The following RCAN2 variants were observed in gnomAD, a reference collection of about 807,000 sequenced individuals.
RCAN2 encodes the protein regulator of calcineurin 2.
In RCAN2, 9 loss-of-function variants were observed where a neutral mutation model predicts 23.6. The ratio of observed to expected loss-of-function variants is 0.38; its 90% confidence interval spans 0.23 to 0.67. The LOEUF (loss-of-function observed/expected upper bound fraction) is 0.67. RCAN2 is among the 30% of genes least tolerant of loss of function. The pLI is 0.51. For missense variants in RCAN2, 273 were observed against 302.3 expected (o/e 0.90, Z 0.72); for synonymous variants, 109 against 115.7 (o/e 0.94, Z 0.37).
At chr6:46,249,019 C>T (rs767460997) in intron 2 of RCAN2, 123 bp from the exon 3 acceptor site, 10 of 615,452 alleles carry the variant, frequency 1.6e-5, no homozygotes, top group Non-Finnish European at 2.6e-5. Flanking sequence ...TTAAATAGAA[C>T]ACCAGTAATG....
chr6:46,428,363 A>T (rs1169913468), intron 2 of RCAN2, among the ~76,000 whole-genome samples: 2 of 152,224 alleles, frequency 1.3e-5, no homozygotes, highest in East Asian at 3.8e-4. Context: ...ATTCCCACTG[A>T]AAATCACATT....
At chr6:46,389,308 C>T (rs1765859971) in intron 2 of RCAN2, among the ~76,000 whole-genome samples, 2 of 152,196 alleles carry the variant, frequency 1.3e-5, no homozygotes, top group African/African-American at 4.8e-5. Flanking sequence ...CTCACTCAGC[C>T]TGCTGTTTCA....
chr6:46,289,335 G>C (rs1018042946), intron 2 of RCAN2, among the ~76,000 whole-genome samples: 4 of 152,202 alleles, frequency 2.6e-5, no homozygotes, highest in Non-Finnish European at 4.4e-5. Context: ...AAAGAGTTGG[G>C]TTGTGAGAAT....
chr6:46,375,531 G>A (rs1765433419), intron 2 of RCAN2, among the ~76,000 whole-genome samples: 1 of 152,176 alleles, frequency 6.6e-6, no homozygotes, highest in South Asian at 2.1e-4. Flanking sequence ...CTTCTTGAAT[G>A]TGGCCCTAGT....
intron 1 of RCAN2, among the ~76,000 whole-genome samples, chr6:46,487,765 T>A (rs1257569574): frequency 1.3e-5 from 2 of 152,208 alleles, no homozygotes; most frequent in Non-Finnish European, 2.9e-5. Context: ...ATTAGCTCTG[T>A]AAAATGGATC....
At chr6:46,230,094 A>T (rs1405309547) in intron 4 of RCAN2, among the ~76,000 whole-genome samples, 4 of 152,188 alleles carry the variant, frequency 2.6e-5, no homozygotes, top group Non-Finnish European at 2.9e-5. Flanking sequence ...AGAACAACAA[A>T]TATTGCAGAG....
At chr6:46,234,361 T>G (rs965072912) in intron 4 of RCAN2, among the ~76,000 whole-genome samples, 6 of 152,244 alleles carry the variant, frequency 3.9e-5, no homozygotes, top group Admixed American at 6.5e-5. Context: ...TTTCTTTTTT[T>G]GGCCTCTTTT....
intron 1 of RCAN2, among the ~76,000 whole-genome samples, chr6:46,485,921 G>A (rs1475175908): frequency 6.6e-6 from 1 of 152,134 alleles, no homozygotes; most frequent in Non-Finnish European, 1.5e-5. Context: ...AACAGGGCAA[G>A]GAAATACAAC....
chr6:46,480,588 C>T (rs1374505868), intron 1 of RCAN2, among the ~76,000 whole-genome samples: 1 of 152,012 alleles, frequency 6.6e-6, no homozygotes, highest in Admixed American at 6.5e-5. Context: ...CCTATTCACC[C>T]ACGCAAAATG....
intron 2 of RCAN2, among the ~76,000 whole-genome samples, chr6:46,375,989 A>T (rs549532416): frequency 6.6e-6 from 1 of 152,288 alleles, no homozygotes; most frequent in Admixed American, 6.5e-5. Flanking sequence ...TTTCTTTTCA[A>T]CGCATCTCTG....
chr6:46,424,311 GC>G (rs1381373151), intron 2 of RCAN2, among the ~76,000 whole-genome samples: 1 of 152,162 alleles, frequency 6.6e-6, no homozygotes, highest in African/African-American at 2.4e-5. Context: ...GAAAGCTTAA[GC>G]AACTAACCAG....
In RCAN2 at chr6:46,239,456, C is replaced by T. The variant is rs144775131; in HGVS notation, c.571+7292G>A. On this transcript the variant is annotated intron_variant, in intron 4 of 4. Coordinates refer to ENST00000371374, the MANE Select transcript of RCAN2 (RefSeq NM_001251974.2). ...CAATCCAGGTCTGCTGAGCGACCAG[C>T]GTAACCGCCTTACTACTTCCTAGAT... Among the ~76,000 whole-genome samples the T allele has an allele frequency of 2.2e-3, 341 of 152,294 alleles. 2 individuals are homozygous for T. The highest frequency in any genetic ancestry group is 7.9e-3 in the African/African-American group (327 of 41,546).
chr6:46,489,842 A>C (rs984143935), intron 1 of RCAN2, among the ~76,000 whole-genome samples: 1 of 152,248 alleles, frequency 6.6e-6, no homozygotes, highest in African/African-American at 2.4e-5. Context: ...TGCAACTCAC[A>C]TTTTAGACTA....
At chr6:46,320,829 G>C (rs1031936108) in intron 2 of RCAN2, among the ~76,000 whole-genome samples, 1 of 152,182 alleles carries the variant, frequency 6.6e-6, no homozygotes, top group Non-Finnish European at 1.5e-5. Context: ...TACCCTAAGA[G>C]AGCTATTGGG....
chr6:46,464,389 A>G (rs1279839440), intron 1 of RCAN2, among the ~76,000 whole-genome samples: 2 of 152,180 alleles, frequency 1.3e-5, no homozygotes, highest in African/African-American at 4.8e-5. Context: ...ATTAAATTTT[A>G]TTATCAGCAT....
At chr6:46,338,356 TG>T (rs1416581053) in intron 2 of RCAN2, among the ~76,000 whole-genome samples, 5 of 152,186 alleles carry the variant, frequency 3.3e-5, no homozygotes, top group African/African-American at 1.2e-4. Context: ...TAACTGTCCC[TG>T]TGACATTGTG....
At chr6:46,410,723 G>GA (rs1194992123) in intron 2 of RCAN2, among the ~76,000 whole-genome samples, 2 of 152,018 alleles carry the variant, frequency 1.3e-5, no homozygotes, top group East Asian at 1.9e-4. Context: ...CTTATTTTGT[G>GA]AAAAAAATCC....
At chr6:46,471,925 C>G (rs1409017202) in intron 1 of RCAN2, among the ~76,000 whole-genome samples, 1 of 152,140 alleles carries the variant, frequency 6.6e-6, no homozygotes. Context: ...TCCCCCTTAC[C>G]TCTTACCACC....
chr6:46,331,302 C>T (rs965308396), intron 2 of RCAN2, among the ~76,000 whole-genome samples: 1 of 152,020 alleles, frequency 6.6e-6, no homozygotes, highest in Non-Finnish European at 1.5e-5. Flanking sequence ...TGAGACACTG[C>T]ACTCAGTTTT....
Sources: allele counts gnomAD v4.1 joint callset (sites outside exome capture counted in the v4.1 genomes callset), GRCh38; gene constraint gnomAD v4.1.1; transcripts MANE v1.5; gene names NCBI Gene and HGNC (gene_info 2026-07-23, HGNC 2026-07-21).